DOK6: variants seen among roughly 807,000 people sequenced by gnomAD.
DOK6 encodes docking protein 6, also known as downstream of tyrosine kinase 6.
In DOK6, 22 loss-of-function variants were observed where a neutral mutation model predicts 44.0. The ratio of observed to expected loss-of-function variants is 0.50; its 90% CI spans 0.36 to 0.71. DOK6 has a LOEUF of 0.71. DOK6 is among the 30% of genes least tolerant of loss of function. DOK6 has a pLI of 0.00. For missense variants in DOK6, 340 were observed against 416.4 expected, an observed-to-expected ratio of 0.82 and a Z score of 1.60; for synonymous variants, 166 against 145.5, an observed-to-expected ratio of 1.14 and a Z score of -1.01.
chr18:69,630,268 T>A (rs1336259432), intron 3 of DOK6, among the ~76,000 whole-genome samples: 2 of 152,188 alleles, frequency 1.3e-5, no homozygotes, highest in African/African-American at 2.4e-5. Flanking sequence ...ATTTTACATG[T>A]GATGTTTCAA....
intron 7 of DOK6, among the ~76,000 whole-genome samples, chr18:69,837,300 GC>G (rs1982081800): frequency 1.3e-5 from 2 of 152,128 alleles, no homozygotes; most frequent in South Asian, 4.1e-4. Flanking sequence ...AGGCTGAGGG[GC>G]AAGACAGGAT....
intron 3 of DOK6, among the ~76,000 whole-genome samples, chr18:69,618,880 T>C (rs1291173049): frequency 6.6e-6 from 1 of 152,134 alleles, no homozygotes; most frequent in Non-Finnish European, 1.5e-5. Flanking sequence ...TATTTCTTTT[T>C]AAATAAAAAT....
At chr18:69,570,776 C>T (rs149099662) in intron 2 of DOK6, among the ~76,000 whole-genome samples, 1 of 151,798 alleles carries the variant, frequency 6.6e-6, no homozygotes, top group Non-Finnish European at 1.5e-5. Context: ...CACACACACA[C>T]AAAAAAGTAT....
chr18:69,525,501 G>T (rs990396366), intron 1 of DOK6, among the ~76,000 whole-genome samples: 3 of 151,960 alleles, frequency 2.0e-5, no homozygotes, highest in African/African-American at 7.2e-5. Context: ...GAGGAAAGAT[G>T]AATGAGTAAT....
intron 1 of DOK6, among the ~76,000 whole-genome samples, chr18:69,431,765 G>A (rs1355782543): frequency 6.6e-6 from 1 of 152,100 alleles, no homozygotes; most frequent in Non-Finnish European, 1.5e-5. Context: ...CATGGATAAA[G>A]TCTTATAAGT....
At chr18:69,677,625 G>A in intron 3 of DOK6, 109 bp from the exon 4 acceptor site, 1 of 1,553,754 alleles carries the variant, frequency 6.4e-7, no homozygotes, top group Non-Finnish European at 8.7e-7. Context: ...TTTTTTAAAG[G>A]CAGGTTCTTA....
intron 1 of DOK6, among the ~76,000 whole-genome samples, chr18:69,518,030 C>T (rs139110754): frequency 2.0e-3 from 308 of 151,982 alleles, no homozygotes; most frequent in African/African-American, 6.2e-3. Flanking sequence ...GCCTGCTGGC[C>T]GCTGGCAAAT....
chr18:69,571,062 A>G (rs1599198816), intron 2 of DOK6, among the ~76,000 whole-genome samples: 1 of 152,138 alleles, frequency 6.6e-6, no homozygotes, highest in East Asian at 1.9e-4. Context: ...ATGTATGAAT[A>G]TTTAATATAT....
At chr18:69,520,721 C>T (rs553288453) in intron 1 of DOK6, among the ~76,000 whole-genome samples, 1 of 152,012 alleles carries the variant, frequency 6.6e-6, no homozygotes, top group South Asian at 2.1e-4. Context: ...TCATTGTGTA[C>T]AGTATATGCA....
chr18:69,645,142 G>T lies in DOK6; in HGVS notation c.290-32592G>T, dbSNP rs189982152. On this transcript the variant is annotated intron_variant, in intron 3 of 7. Coordinates refer to ENST00000382713, the MANE Select transcript of DOK6 (RefSeq NM_152721.6). ...CCAGGAATTTAATATGATACAATGT[G>T]TGTGTATAATTCCATGCCATTTATC... 1.6e-3 allele frequency among the ~76,000 whole-genome samples: 240 copies of T among 152,256 alleles called. 1 individual carries two copies. The highest frequency in any genetic ancestry group is 5.2e-3 in the African/African-American group (216 of 41,560).
At chr18:69,482,331 C>G (rs17081001) in intron 1 of DOK6, among the ~76,000 whole-genome samples, 36,125 of 151,876 alleles carry the variant, frequency 0.24, 4,659 homozygotes, top group East Asian at 0.53. Flanking sequence ...TGCACGTGCA[C>G]TGATGGGGAT....
At chr18:69,570,539 G>A (rs1233424179) in intron 2 of DOK6, among the ~76,000 whole-genome samples, 3 of 152,014 alleles carry the variant, frequency 2.0e-5, no homozygotes, top group South Asian at 2.1e-4. Context: ...GATAATGGCT[G>A]AAAAATTCCC....
intron 1 of DOK6, among the ~76,000 whole-genome samples, chr18:69,559,806 C>T (rs1267960364): frequency 6.6e-6 from 1 of 152,116 alleles, no homozygotes; most frequent in African/African-American, 2.4e-5. Flanking sequence ...CTGGCTTGCA[C>T]ATGGCCACAT....
intron 3 of DOK6, among the ~76,000 whole-genome samples, chr18:69,636,520 G>A (rs377448815): frequency 2.8e-4 from 42 of 152,304 alleles, no homozygotes; most frequent in East Asian, 2.3e-3. Context: ...CTATGCTGGC[G>A]AAAAGTTGAT....
Position 69,587,630 on chromosome 18 carries a change from A to G in DOK6, c.175-11754A>G, listed in dbSNP as rs78295665. Among the ~76,000 whole-genome samples, 1,214 of 152,292 alleles carry G rather than the reference A, an allele frequency of 8.0e-3. 14 individuals are homozygous for G. Among genetic ancestry groups the G allele is most frequent in the African/African-American group, 0.028 (1,154 of 41,558 alleles). On this transcript the variant is annotated intron_variant, in intron 2 of 7. Coordinates refer to ENST00000382713, the MANE Select transcript of DOK6 (RefSeq NM_152721.6). The stretch of plus-strand genomic sequence containing the variant: ...GTTTGTCCATCTGCTAGGTAAAGCC[A>G]TAGTAGCTGTATAGTATCTGATAAT...
chr18:69,408,776 T>C (rs1978294519), intron 1 of DOK6, among the ~76,000 whole-genome samples: 1 of 152,236 alleles, frequency 6.6e-6, no homozygotes, highest in South Asian at 2.1e-4. Flanking sequence ...CAGCACGATC[T>C]TAACTCAAGA....
chr18:69,708,386 A>G (rs1014198114), intron 5 of DOK6, among the ~76,000 whole-genome samples: 6 of 152,146 alleles, frequency 3.9e-5, no homozygotes, highest in Non-Finnish European at 8.8e-5. Context: ...GCCTTCAGTT[A>G]TATTCTGTTA....
chr18:69,465,769 G>A (rs912365125), intron 1 of DOK6, among the ~76,000 whole-genome samples: 11 of 151,964 alleles, frequency 7.2e-5, no homozygotes, highest in Admixed American at 1.3e-4. Flanking sequence ...ATAAACATAC[G>A]TGTGCATGTG....
chr18:69,785,420 C>T (rs1431658449), intron 7 of DOK6, among the ~76,000 whole-genome samples: 1 of 152,112 alleles, frequency 6.6e-6, no homozygotes, highest in African/African-American at 2.4e-5. Flanking sequence ...TGGTGGTCTC[C>T]GTTTCAATTC....
Sources: allele counts gnomAD v4.1 joint callset (sites outside exome capture counted in the v4.1 genomes callset), GRCh38; gene constraint gnomAD v4.1.1; transcripts MANE v1.5; gene names NCBI Gene and HGNC (gene_info 2026-07-23, HGNC 2026-07-21).